KCNH1: variants seen among roughly 807,000 people sequenced by gnomAD.
KCNH1 encodes the protein potassium voltage-gated channel subfamily H member 1, also known as voltage-gated delayed rectifier potassium channel KCNH1.
In KCNH1, 27 loss-of-function variants were observed where a neutral mutation model predicts 69.2. That is an observed-to-expected ratio of 0.39 (90% CI 0.29 to 0.54). KCNH1 has a LOEUF of 0.54. KCNH1 is among the 20% of genes least tolerant of loss of function. KCNH1 has a pLI of 0.68. For missense variants in KCNH1, 798 were observed against 1,261.6 expected, an observed-to-expected ratio of 0.63 and a Z score of 5.57; for synonymous variants, 456 against 487.7, an observed-to-expected ratio of 0.93 and a Z score of 0.86.
chr1:210,894,397 C>T (rs573634740), intron 7 of KCNH1, among the ~76,000 whole-genome samples: 2 of 152,148 alleles, frequency 1.3e-5, no homozygotes, highest in Non-Finnish European at 2.9e-5. Flanking sequence ...GAACTTCTTC[C>T]CAACCTTGTG....
At chr1:211,110,346 A>G (rs1239159389) in intron 1 of KCNH1, among the ~76,000 whole-genome samples, 1 of 152,196 alleles carries the variant, frequency 6.6e-6, no homozygotes, top group Non-Finnish European at 1.5e-5. Flanking sequence ...GACAGTATTC[A>G]ATACTGAACA....
Position 210,683,378 on chromosome 1 carries a change from A to G in KCNH1, c.2873T>C (p.Leu958Ser), listed in dbSNP as rs1681321749. ...EKQLSEILRI[L>S]TSRRSSQSPQ... is the part of the protein sequence containing the mutation. ...AGACTGAGAGGATCTTCTGGAAGTT[A>G]ATATCCTGAGTATCTCAGAGAGCTG... is the stretch of plus-strand genomic sequence containing the variant. The change falls in exon 11 of 11, where the codon TTA becomes TCA. Residue 958 changes from leucine to serine, a missense_variant. By Grantham distance (145) the Leu-to-Ser change is moderately radical. Around this residue, in one of 4 missense-constraint regions of KCNH1, gnomAD observed 331 missense variants for 363.2 expected, o/e 0.91. Coordinates refer to ENST00000271751, the MANE Select transcript of KCNH1 (RefSeq NM_172362.3). This position sits in a 1 kb window ranked among gnomAD's most constrained non-coding sequence, Gnocchi z 5.7. The G allele has an allele frequency of 6.2e-7, 1 of 1,614,084 alleles. No individual in the cohort carries two copies. The highest frequency in any genetic ancestry group is 1.3e-5 in the African/African-American group (1 of 74,930).
intron 6 of KCNH1, among the ~76,000 whole-genome samples, chr1:210,926,489 G>A (rs1448281032): frequency 6.6e-6 from 1 of 152,120 alleles, no homozygotes; most frequent in Non-Finnish European, 1.5e-5. Context: ...TTGGCTCTCA[G>A]GAAGCTCCAT....
chr1:210,926,836 A>C (rs1687584799), intron 6 of KCNH1, among the ~76,000 whole-genome samples: 1 of 152,146 alleles, frequency 6.6e-6, no homozygotes, highest in Admixed American at 6.5e-5. Flanking sequence ...ATATGAAGGG[A>C]GAATTCTTCA....
intron 7 of KCNH1, among the ~76,000 whole-genome samples, chr1:210,868,273 T>C (rs1248067113): frequency 1.3e-5 from 2 of 152,048 alleles, no homozygotes; most frequent in African/African-American, 2.4e-5. Context: ...TCCAAATCTT[T>C]TGCCTATTTA....
intron 6 of KCNH1, among the ~76,000 whole-genome samples, chr1:210,926,264 A>AACACACACACAC (rs141650911): frequency 6.7e-6 from 1 of 148,836 alleles, no homozygotes; most frequent in Admixed American, 6.7e-5. Flanking sequence ...ACTCCATCTA[A>AACACACACACAC]ACACACACAC....
chr1:210,895,031 T>G (rs1686833610), intron 7 of KCNH1, among the ~76,000 whole-genome samples: 1 of 152,226 alleles, frequency 6.6e-6, no homozygotes, highest in Non-Finnish European at 1.5e-5. Flanking sequence ...GGCAGTAAAC[T>G]GGGGTAATCA....
intron 6 of KCNH1, among the ~76,000 whole-genome samples, chr1:211,007,604 C>A (rs530427036): frequency 5.2e-4 from 79 of 152,128 alleles, no homozygotes; most frequent in Non-Finnish European, 9.0e-4. Flanking sequence ...AAGCCTCCTA[C>A]AATTCTCCTA....
At position 210,678,936 on chromosome 1, in the gene KCNH1, A is replaced by G. The variant is rs1007914815; in HGVS notation, c.*4345T>C. On this transcript the variant is annotated 3_prime_UTR_variant, in exon 11 of 11. Transcript: ENST00000271751. ...CCCACCAGTCTGGCACCTGCAGGGA[A>G]TTCAAGTCCAGTTCTAGAGGTTCCA... 2 of 152,232 alleles carry G rather than the reference A, an allele frequency of 1.3e-5. No homozygotes were observed. The highest frequency in any genetic ancestry group is 2.9e-5 in the Non-Finnish European group (2 of 68,044). 9.4% of individuals were successfully genotyped at this position (152,232 alleles called of 1,614,324 possible). A position where few individuals can be genotyped will look rare whatever the true frequency, so the allele number is the denominator to read the frequency against.
intron 7 of KCNH1, among the ~76,000 whole-genome samples, chr1:210,848,899 G>C (rs1194246406): frequency 6.6e-6 from 1 of 152,022 alleles, no homozygotes; most frequent in Non-Finnish European, 1.5e-5. Flanking sequence ...AGGTTACAAA[G>C]GTAAAGAGTT....
chr1:210,844,825 C>T (rs535171326), intron 7 of KCNH1, among the ~76,000 whole-genome samples: 3 of 152,108 alleles, frequency 2.0e-5, no homozygotes, highest in South Asian at 2.1e-4. Context: ...ATTGATAGAT[C>T]GCTAGCAAGA....
At chr1:210,854,431 C>T (rs1269256375) in intron 7 of KCNH1, among the ~76,000 whole-genome samples, 1 of 152,166 alleles carries the variant, frequency 6.6e-6, no homozygotes, top group Non-Finnish European at 1.5e-5. Context: ...AGAAAGGTAC[C>T]TGGAAAACCT....
At chr1:210,853,965 A>AAAAAAAAAAAAAAAAAAAAC (rs1685771204) in intron 7 of KCNH1, among the ~76,000 whole-genome samples, 2 of 150,706 alleles carry the variant, frequency 1.3e-5, no homozygotes, top group African/African-American at 2.4e-5. Flanking sequence ...AAAAAAAAAA[A>AAAAAAAAAAAAAAAAAAAAC]AAAGAAACCA....
At position 210,784,912 on chromosome 1, in the gene KCNH1, C is replaced by T. The variant is rs983334002; in HGVS notation, c.1916-9368G>A. ...CAAGCAGTGAGTAGACTGAAAGTTT[C>T]CAAAGGTGGGGTTTTGTGTTACCAT... On this transcript the variant is annotated intron_variant, in intron 9 of 10. Coordinates refer to ENST00000271751, the MANE Select transcript of KCNH1 (RefSeq NM_172362.3). Among the ~76,000 whole-genome samples the T allele has an allele frequency of 2.0e-5, 3 of 152,114 alleles. No homozygotes were observed. In the South Asian group the frequency reaches 6.2e-4, roughly 32 times the overall value.
At chr1:210,742,672 C>A (rs1002351488) in intron 10 of KCNH1, among the ~76,000 whole-genome samples, 1 of 152,142 alleles carries the variant, frequency 6.6e-6, no homozygotes, top group Admixed American at 6.5e-5. Flanking sequence ...GCCGCACCTT[C>A]CCAGCTCTTA....
chr1:210,950,297 C>T (rs1340600493), intron 6 of KCNH1, among the ~76,000 whole-genome samples: 14 of 149,760 alleles, frequency 9.3e-5, no homozygotes, highest in Non-Finnish European at 1.6e-4. Flanking sequence ...TATACATGTG[C>T]CATGCTGGTG....
intron 10 of KCNH1, among the ~76,000 whole-genome samples, chr1:210,758,321 C>A (rs1455714859): frequency 2.0e-5 from 3 of 152,172 alleles, no homozygotes; most frequent in Non-Finnish European, 4.4e-5. Flanking sequence ...AGTGCACCAG[C>A]AGTAGGTGCT....
At chr1:210,873,999 G>T (rs539371274) in intron 7 of KCNH1, among the ~76,000 whole-genome samples, 1 of 152,122 alleles carries the variant, frequency 6.6e-6, no homozygotes, top group African/African-American at 2.4e-5. Flanking sequence ...TTAGTCCAAG[G>T]CTGGGGATTA....
At chr1:210,765,929 G>A (rs1683621151) in intron 10 of KCNH1, among the ~76,000 whole-genome samples, 1 of 152,014 alleles carries the variant, frequency 6.6e-6, no homozygotes, top group Non-Finnish European at 1.5e-5. Context: ...CGGGCGTGGT[G>A]GCAGGCACCT....
Sources: gnomAD v4.1 joint callset for allele counts (sites outside exome capture counted in the v4.1 genomes callset) on GRCh38, gnomAD v4.1.1 for gene constraint, gnomAD v4.1.1 regional missense constraint, Gnocchi (gnomAD v3.1) non-coding constraint, MANE v1.5 for transcripts, NCBI Gene and HGNC (gene_info 2026-07-23, HGNC 2026-07-21) for gene names.